Variants in MGAT4C observed in about 807,000 individuals in gnomAD.
The protein encoded by MGAT4C is alpha-1,3-mannosyl-glycoprotein 4-beta-N-acetylglucosaminyltransferase C.
MGAT4C carries 19 observed loss-of-function variants against 40.1 expected under a neutral mutation model. The ratio of observed to expected loss-of-function variants is 0.47; its 90% CI spans 0.33 to 0.70. The LOEUF is 0.70. Among genes scored for constraint, MGAT4C ranks in the 30% least tolerant of loss-of-function variants. The pLI is 0.02. For synonymous variants in MGAT4C, 181 were observed against 187.1 expected (o/e 0.97, Z 0.27); for missense variants, 491 against 563.2 (o/e 0.87, Z 1.30).
chr12:86,340,000 C>T (rs1954875506), intron 3 of MGAT4C, among the ~76,000 whole-genome samples: 1 of 152,132 alleles, frequency 6.6e-6, no homozygotes, highest in Admixed American at 6.6e-5. Context: ...TGCTCTACTT[C>T]CTGTAAAGAT....
chr12:86,521,890 T>C (rs1454602054), intron 2 of MGAT4C, among the ~76,000 whole-genome samples: 1 of 152,094 alleles, frequency 6.6e-6, no homozygotes, highest in Non-Finnish European at 1.5e-5. Context: ...GCCTTCCTGA[T>C]TTGGCTATTG....
At chr12:86,250,041 T>TA (rs752707823) in intron 1 of MGAT4C, among the ~76,000 whole-genome samples, 3 of 152,108 alleles carry the variant, frequency 2.0e-5, no homozygotes, top group Non-Finnish European at 4.4e-5. Context: ...TGGCATGCCA[T>TA]AAGTGCTCAG....
At chr12:86,444,324 GAAT>G (rs1277075935) in intron 2 of MGAT4C, among the ~76,000 whole-genome samples, 1 of 152,040 alleles carries the variant, frequency 6.6e-6, no homozygotes, top group South Asian at 2.1e-4. Flanking sequence ...CTTTTCCTCT[GAAT>G]AATATGTTTG....
At chr12:86,398,001 C>A (rs950179447) in intron 3 of MGAT4C, among the ~76,000 whole-genome samples, 1 of 152,070 alleles carries the variant, frequency 6.6e-6, no homozygotes, top group Admixed American at 6.6e-5. Context: ...TTTTTAGCAT[C>A]AGAATATTTG....
chr12:86,050,212 A>G lies in MGAT4C; in HGVS notation c.-56-489T>C, dbSNP rs377100069. Among the ~76,000 whole-genome samples, 61 of 152,156 alleles carry G rather than the reference A, an allele frequency of 4.0e-4. No homozygotes were observed. The East Asian group carries it at 7.9e-3, about 20-fold the overall frequency. On this transcript the variant is annotated intron_variant, in intron 1 of 4. Coordinates refer to ENST00000611864, the MANE Select transcript of MGAT4C (RefSeq NM_001351288.2). ...TTATTGATTTTTCCATCACATATAA[A>G]AGGTTACAACATTCAAGAGATTGTT...
intron 1 of MGAT4C, among the ~76,000 whole-genome samples, chr12:86,235,942 C>A (rs916910801): frequency 6.6e-6 from 1 of 152,118 alleles, no homozygotes. Context: ...ACCTAAGAAG[C>A]AAGTCTACAT....
intron 1 of MGAT4C, among the ~76,000 whole-genome samples, chr12:86,073,349 AACTG>A (rs1207291609): frequency 3.3e-5 from 5 of 152,162 alleles, no homozygotes; most frequent in African/African-American, 1.2e-4. Flanking sequence ...GTAGCATGAG[AACTG>A]ACTAATACAG....
At chr12:86,513,011 A>G (rs560230721) in intron 2 of MGAT4C, among the ~76,000 whole-genome samples, 2 of 152,282 alleles carry the variant, frequency 1.3e-5, no homozygotes, top group Non-Finnish European at 2.9e-5. Context: ...CATTTGCCAC[A>G]TAATGCTACA....
chr12:86,381,452 C>T (rs543504290), intron 3 of MGAT4C, among the ~76,000 whole-genome samples: 13 of 152,210 alleles, frequency 8.5e-5, no homozygotes, highest in Admixed American at 8.5e-4. Flanking sequence ...GGCCTGTGAG[C>T]CTGGGGTTCT....
upstream of MGAT4C, among the ~76,000 whole-genome samples, chr12:86,260,285 C>T (rs2452806): frequency 0.72 from 109,881 of 151,940 alleles, 40,057 homozygotes; most frequent in East Asian, 0.95. Context: ...GTTTCAACCC[C>T]TTGCTCCCAC....
intron 2 of MGAT4C, among the ~76,000 whole-genome samples, chr12:86,440,253 G>A (rs1169045552): frequency 6.6e-6 from 1 of 151,820 alleles, no homozygotes; most frequent in Non-Finnish European, 1.5e-5. Flanking sequence ...AACCAAATTC[G>A]ACAGCACTTC....
intron 2 of MGAT4C, among the ~76,000 whole-genome samples, chr12:86,639,541 GA>G (rs1252997838): frequency 6.6e-6 from 1 of 151,484 alleles, no homozygotes; most frequent in African/African-American, 2.4e-5. Flanking sequence ...AGAACCATAA[GA>G]AAAAATACAT....
chr12:86,061,301 T>C (rs1893938396), intron 1 of MGAT4C, among the ~76,000 whole-genome samples: 1 of 152,072 alleles, frequency 6.6e-6, no homozygotes, highest in African/African-American at 2.4e-5. Context: ...TGAGGGACTG[T>C]GCCTTGAGGA....
intron 1 of MGAT4C, among the ~76,000 whole-genome samples, chr12:86,160,886 T>C (rs1269900072): frequency 6.6e-6 from 1 of 152,052 alleles, no homozygotes; most frequent in Admixed American, 6.6e-5. Context: ...TAATATAACA[T>C]TACCAACTCC....
chr12:86,538,909 A>C (rs1401438057), intron 2 of MGAT4C, among the ~76,000 whole-genome samples: 1 of 152,166 alleles, frequency 6.6e-6, no homozygotes, highest in Non-Finnish European at 1.5e-5. Flanking sequence ...GCCTGGCCCA[A>C]AGTGGAATAC....
At chr12:86,548,048 T>C (rs945496023) in intron 2 of MGAT4C, among the ~76,000 whole-genome samples, 2 of 152,156 alleles carry the variant, frequency 1.3e-5, no homozygotes, top group African/African-American at 4.8e-5. Flanking sequence ...CTTCAGATCA[T>C]GATACATACA....
chr12:86,443,792 C>T (rs959133784), intron 2 of MGAT4C, among the ~76,000 whole-genome samples: 17 of 152,124 alleles, frequency 1.1e-4, no homozygotes, highest in African/African-American at 3.9e-4. Context: ...GACAGGGTTT[C>T]GCCTTGTTAG....
At position 86,118,202 on chromosome 12, in the gene MGAT4C, C is replaced by T. The variant is rs138361499; in HGVS notation, c.-56-68479G>A. ...GGACACTGGGCAAAGGAAAAAAATG[C>T]AACTCTTTTATGAGCCTTTGAAGGA... On this transcript the variant is annotated intron_variant, in intron 1 of 4. Transcript: ENST00000611864. 8.0e-4 allele frequency among the ~76,000 whole-genome samples: 122 copies of T among 152,144 alleles called. 2 individuals are homozygous for T. Among genetic ancestry groups the T allele is most frequent in the African/African-American group, 2.9e-3 (120 of 41,538 alleles).
intron 2 of MGAT4C, among the ~76,000 whole-genome samples, chr12:86,601,976 G>C (rs1237758292): frequency 1.3e-5 from 2 of 152,114 alleles, no homozygotes; most frequent in Non-Finnish European, 2.9e-5. Flanking sequence ...GTGCCACCGC[G>C]TTCCCGTTGT....
Sources: allele counts gnomAD v4.1 joint callset (sites outside exome capture counted in the v4.1 genomes callset), GRCh38; gene constraint gnomAD v4.1.1; transcripts MANE v1.5; gene names NCBI Gene and HGNC (gene_info 2026-07-23, HGNC 2026-07-21).